HTR2C: variants seen among roughly 807,000 people sequenced by gnomAD.
The protein encoded by HTR2C is 5-hydroxytryptamine (serotonin) receptor 2C, G protein-coupled.
In HTR2C, 5 loss-of-function variants were observed where a neutral mutation model predicts 21.0. The ratio of observed to expected loss-of-function variants is 0.24; its 90% CI spans 0.12 to 0.50. HTR2C has a LOEUF of 0.50. Among genes scored for constraint, HTR2C ranks in the 20% least tolerant of loss-of-function variants. The pLI, the probability that HTR2C is intolerant of heterozygous loss-of-function variation, is 0.98. For missense variants in HTR2C, 271 were observed against 371.2 expected (o/e 0.73, Z 2.22); for synonymous variants, 150 against 145.3 (o/e 1.03, Z -0.23).
intron 2 of HTR2C, among the ~76,000 whole-genome samples, chrX:114,682,249 A>G (rs1441775738): frequency 1.8e-5 from 2 of 111,602 alleles, no homozygotes; most frequent in African/African-American, 3.2e-5. Flanking sequence ...TAAAGCATTA[A>G]TGGAAGAAAG....
At chrX:114,891,298 T>C (rs1027463466) in intron 5 of HTR2C, among the ~76,000 whole-genome samples, 1 of 111,343 alleles carries the variant, frequency 9.0e-6, no homozygotes, top group Non-Finnish European at 1.9e-5. Flanking sequence ...TTATATTAAA[T>C]TCCCCTTTTA....
intron 5 of HTR2C, among the ~76,000 whole-genome samples, chrX:114,888,579 C>T (rs892196247): frequency 7.2e-5 from 8 of 111,803 alleles, no homozygotes; most frequent in African/African-American, 2.6e-4. Flanking sequence ...TTAGCTCTAC[C>T]AATCTGAGTG....
At position 114,693,979 on chromosome X, in the gene HTR2C, G is replaced by C. The variant is rs782698248; in HGVS notation, c.-79-32879G>C. 4.5e-4 allele frequency among the ~76,000 whole-genome samples: 50 copies of C among 111,162 alleles called. No homozygotes were observed. The South Asian group carries it at 0.017, about 39-fold the overall frequency. On this transcript the variant is annotated intron_variant, in intron 2 of 5. Transcript: ENST00000276198. ...CCTATGAAAAAATAGACAAATAATG[G>C]CATGACCAAACAAAACTCTAGAAAA...
intron 2 of HTR2C, among the ~76,000 whole-genome samples, chrX:114,689,230 A>ATATATATATATC (rs1491078414): frequency 1.0e-5 from 1 of 100,234 alleles, no homozygotes; most frequent in African/African-American, 3.7e-5. Context: ...ATATATATAT[A>ATATATATATATC]TCACATTTTC....
intron 2 of HTR2C, among the ~76,000 whole-genome samples, chrX:114,675,875 C>CT (rs1232049383): frequency 0.023 from 2,222 of 98,492 alleles, 73 homozygotes; most frequent in African/African-American, 0.075. Flanking sequence ...TTTCTTTTTT[C>CT]TTTTTTTTTT....
intron 2 of HTR2C, among the ~76,000 whole-genome samples, chrX:114,703,239 C>A (rs1556417265): frequency 2.8e-5 from 3 of 107,216 alleles, no homozygotes; most frequent in Non-Finnish European, 5.8e-5. Flanking sequence ...CTCTCCACCC[C>A]AAATCAACAG....
At chrX:114,666,487 G>A (rs938036420) in intron 2 of HTR2C, among the ~76,000 whole-genome samples, 1 of 111,426 alleles carries the variant, frequency 9.0e-6, no homozygotes, top group Non-Finnish European at 1.9e-5. Flanking sequence ...ATCTAATTTT[G>A]TCATATTAAT....
At chrX:114,607,660 T>C (rs782068714) in intron 1 of HTR2C, among the ~76,000 whole-genome samples, 19 of 111,456 alleles carry the variant, frequency 1.7e-4, no homozygotes, top group Admixed American at 3.8e-4. Flanking sequence ...ACATTTTTCA[T>C]ACACATGCAG....
At chrX:114,627,968 G>A (rs1556403260) in intron 2 of HTR2C, among the ~76,000 whole-genome samples, 1 of 111,324 alleles carries the variant, frequency 9.0e-6, no homozygotes, top group Non-Finnish European at 1.9e-5. Flanking sequence ...GAAGAATGAA[G>A]ACCAAAACTG....
chrX:114,870,096 A>ATT (rs199741683), intron 5 of HTR2C, among the ~76,000 whole-genome samples: 3,093 of 105,486 alleles, frequency 0.029, 103 homozygotes, highest in African/African-American at 0.092. Flanking sequence ...TATTATTATT[A>ATT]TTTTTTTTGA....
intron 2 of HTR2C, chrX:114,630,801 A>C (rs1556404061): frequency 2.7e-6 from 1 of 367,797 alleles, no homozygotes; most frequent in East Asian, 7.5e-5. Flanking sequence ...TGTCTACAGC[A>C]CTGCCAAGTG....
intron 2 of HTR2C, chrX:114,630,732 A>G (rs1929577504): frequency 1.8e-5 from 4 of 218,328 alleles, no homozygotes; most frequent in Non-Finnish European, 3.7e-5. Context: ...TCACCTACCC[A>G]CTCCCTCCTT....
intron 2 of HTR2C, among the ~76,000 whole-genome samples, chrX:114,668,623 C>G (rs936999577): frequency 9.0e-6 from 1 of 111,287 alleles, no homozygotes. Flanking sequence ...AATAAGTAAA[C>G]TCTACTCCAT....
intron 5 of HTR2C, 33 bp downstream of exon 5, chrX:114,848,236 G>T (rs1556468249): frequency 9.7e-7 from 1 of 1,032,112 alleles, no homozygotes; most frequent in African/African-American, 1.9e-5. Context: ...AAGAATTGCA[G>T]CGGCTATGCT....
At chrX:114,781,971 C>A (rs181020613) in intron 4 of HTR2C, among the ~76,000 whole-genome samples, 4 of 109,107 alleles carry the variant, frequency 3.7e-5, no homozygotes, top group African/African-American at 1.3e-4. Context: ...TTAAGAAGAC[C>A]AATGATTACC....
intron 2 of HTR2C, among the ~76,000 whole-genome samples, chrX:114,630,364 A>C (rs1477591018): frequency 8.9e-6 from 1 of 112,106 alleles, no homozygotes; most frequent in African/African-American, 3.2e-5. Context: ...TGAAAAAATA[A>C]AAAAGAGAGT....
rs2071376885 is a variant in HTR2C at position 114,906,762 on chromosome X, C to T, written c.724C>T (p.Arg242Cys). 3 of 1,208,759 alleles carry T rather than the reference C, an allele frequency of 2.5e-6. No homozygotes were observed. Among genetic ancestry groups the T allele is most frequent in the Admixed American group, 2.2e-5 (1 of 45,573 alleles). ...ITYCLTIYVL[R>C]RQALMLLHGH... ...GTATTGCCTGACCATCTACGTTCTGCGCCGACAAGCTTTGATGTTACTGCA... is the reference window on the plus strand; with the variant it reads ...GTATTGCCTGACCATCTACGTTCTGTGCCGACAAGCTTTGATGTTACTGCA... Residue 242 changes from arginine (R) to cysteine (C), a missense_variant, in exon 6 of 6, where the codon CGC becomes TGC. Physicochemically the swap from Arg to Cys is radical, Grantham distance 180. Coordinates refer to ENST00000276198, the MANE Select transcript of HTR2C (RefSeq NM_000868.4).
chrX:114,710,992 C>A, intron 2 of HTR2C, among the ~76,000 whole-genome samples: 1 of 111,626 alleles, frequency 9.0e-6, no homozygotes, highest in East Asian at 2.8e-4. Context: ...AGAAAAATTT[C>A]TGGCTTTCTC....
chrX:114,753,152 G>A (rs2069778684), intron 4 of HTR2C, among the ~76,000 whole-genome samples: 1 of 109,078 alleles, frequency 9.2e-6, no homozygotes, highest in Admixed American at 9.9e-5. Context: ...GTACTGGAGA[G>A]GCCTGTAACT....
Sources: gnomAD v4.1 joint callset for allele counts (sites outside exome capture counted in the v4.1 genomes callset) on GRCh38, gnomAD v4.1.1 for gene constraint, MANE v1.5 for transcripts, NCBI Gene and HGNC (gene_info 2026-07-23, HGNC 2026-07-21) for gene names.